Variants in TMEM209 observed in about 807,000 individuals in gnomAD.
TMEM209 encodes transmembrane protein 209.
TMEM209 carries 65 observed loss-of-function variants against 76.2 expected under a neutral mutation model. The observed-to-expected ratio is 0.85, with a 90% CI of 0.70 to 1.05. The LOEUF (loss-of-function observed/expected upper bound fraction) is 1.05. Ranked by LOEUF, TMEM209 falls within the 50% of genes least tolerant of loss-of-function variation. TMEM209 has a pLI of 0.00. For synonymous variants in TMEM209, 239 were observed against 237.6 expected (o/e 1.01, Z -0.06); for missense variants, 623 against 685.5 (o/e 0.91, Z 1.02).
chr7:130,193,795 A>G (rs961975498), intron 5 of TMEM209, among the ~76,000 whole-genome samples: 1 of 152,188 alleles, frequency 6.6e-6, no homozygotes, highest in Admixed American at 6.5e-5. Flanking sequence ...ATGTCATTAC[A>G]CATTTGTCCA....
chr7:130,184,469 G>T (rs1478111651), intron 7 of TMEM209, among the ~76,000 whole-genome samples: 10 of 149,728 alleles, frequency 6.7e-5, no homozygotes, highest in Non-Finnish European at 1.3e-4. Context: ...CCTTACATTG[G>T]TATGTGTAAA....
intron 5 of TMEM209, among the ~76,000 whole-genome samples, chr7:130,195,751 C>T (rs1340826404): frequency 6.6e-6 from 1 of 151,870 alleles, no homozygotes; most frequent in Non-Finnish European, 1.5e-5. Context: ...CCAGGGAGAA[C>T]TATTTTGTGC....
intron 4 of TMEM209, 27 bp from the exon 5 acceptor site, chr7:130,202,118 G>C (rs1487863078): frequency 1.9e-6 from 3 of 1,577,766 alleles, no homozygotes; most frequent in Non-Finnish European, 2.6e-6. Flanking sequence ...AGCAACATAT[G>C]TGTATGTACC....
At chr7:130,187,282 A>G (rs368314507) in intron 6 of TMEM209, among the ~76,000 whole-genome samples, 1 of 152,004 alleles carries the variant, frequency 6.6e-6, no homozygotes, top group African/African-American at 2.4e-5. Context: ...AAAAAACAAC[A>G]TTATTAAGAT....
intron 13 of TMEM209, 115 bp from the exon 14 acceptor site, chr7:130,170,588 A>G: frequency 1.2e-6 from 1 of 809,620 alleles, no homozygotes; most frequent in South Asian, 1.8e-5. Flanking sequence ...CATATAATTC[A>G]GACTTTCATT....
Position 130,173,854 on chromosome 7 carries a change from T to A in TMEM209, c.1430A>T (p.Gln477Leu). 5.6e-6 allele frequency: 9 copies of A among 1,613,972 alleles called. No individual in the cohort carries two copies. Among genetic ancestry groups the A allele is most frequent in the Non-Finnish European group, 7.6e-6 (9 of 1,179,834 alleles). The change falls in exon 12 of 15, where the codon CAG becomes CTG. Residue 477 changes from glutamine (Q) to leucine (L), a missense_variant. Physicochemically the swap from Gln to Leu is moderately radical, Grantham distance 113 (BLOSUM62 -2). Coordinates refer to ENST00000397622, the MANE Select transcript of TMEM209 (RefSeq NM_032842.4). ...KYPDGKTFTS[Q>L]HFVQTPNKPD... ...TTTATTTGGTGTCTGAACAAAGTGC[T>A]GAGAAGTAAAAGTTTTTCCGTCGGG...
At chr7:130,178,348 A>C in intron 10 of TMEM209, 54 bp downstream of exon 10, 1 of 1,494,276 alleles carries the variant, frequency 6.7e-7, no homozygotes, top group Non-Finnish European at 9.0e-7. Context: ...TCACTGATAA[A>C]ATTCCAGCAT....
chr7:130,195,364 A>C (rs1797935931), intron 5 of TMEM209, among the ~76,000 whole-genome samples: 1 of 152,078 alleles, frequency 6.6e-6, no homozygotes. Flanking sequence ...TATGTTTTTT[A>C]ATCAATTATG....
At chr7:130,200,044 G>C (rs1183137524) in intron 5 of TMEM209, 5 of 151,756 alleles carry the variant, frequency 3.3e-5, no homozygotes, top group Admixed American at 6.6e-5. Flanking sequence ...ATTATGGTGG[G>C]GAGGGGAATC....
chr7:130,202,434 T>A, intron 4 of TMEM209, 98 bp downstream of exon 4: 1 of 1,456,580 alleles, frequency 6.9e-7, no homozygotes, highest in Non-Finnish European at 9.3e-7. Flanking sequence ...ATAGCTGATG[T>A]CCCTTCCAGC....
chr7:130,195,724 T>C (rs534204182), intron 5 of TMEM209, among the ~76,000 whole-genome samples: 1 of 152,186 alleles, frequency 6.6e-6, no homozygotes, highest in South Asian at 2.1e-4. Context: ...GTTTTTTCGG[T>C]TTGTTTTTTA....
At chr7:130,197,176 G>A (rs1281307869) in intron 5 of TMEM209, among the ~76,000 whole-genome samples, 1 of 152,170 alleles carries the variant, frequency 6.6e-6, no homozygotes, top group Non-Finnish European at 1.5e-5. Flanking sequence ...CAGATAAGCT[G>A]TACAGCCATG....
At chr7:130,174,904 TA>T (rs199901009) in intron 11 of TMEM209, among the ~76,000 whole-genome samples, 11 of 149,828 alleles carry the variant, frequency 7.3e-5, no homozygotes, top group Non-Finnish European at 1.6e-4. Context: ...GAGGCTGAAG[TA>T]AAAAAAAACC....
intron 5 of TMEM209, among the ~76,000 whole-genome samples, chr7:130,195,251 CTT>C (rs1390416833): frequency 2.0e-5 from 3 of 152,056 alleles, no homozygotes; most frequent in African/African-American, 7.2e-5. Context: ...ATAACAGTAT[CTT>C]TTTATCCAAG....
At position 130,178,462 on chromosome 7, in the gene TMEM209, T is replaced by C. The variant is rs1356827459; in HGVS notation, c.1186A>G (p.Thr396Ala). 6.2e-7 allele frequency: 1 copy of C among 1,613,854 alleles called. No homozygotes were observed. Among genetic ancestry groups the C allele is most frequent in the Admixed American group, 1.7e-5 (1 of 60,018 alleles). The change falls in exon 10 of 15, where the codon ACA becomes GCA. Residue 396 changes from threonine to alanine, a missense_variant. Transcript: ENST00000397622. ...VKAPLIPTLN[T>A]IVQYLDLTPN... ...GTAAGGTCTAGATACTGAACGATTG[T>C]GTTCAAAGTCGGAATGAGAGGCGCT...
At chr7:130,167,418 G>A (rs1223713838) in intron 14 of TMEM209, among the ~76,000 whole-genome samples, 1 of 152,050 alleles carries the variant, frequency 6.6e-6, no homozygotes, top group African/African-American at 2.4e-5. Context: ...ATTTTGACTT[G>A]TTTGTACATG....
At position 130,175,592 on chromosome 7, in the gene TMEM209, A is replaced by T. The variant is rs368516221; in HGVS notation, c.1264T>A (p.Cys422Ser). The T allele has an allele frequency of 6.2e-7, 1 of 1,612,810 alleles. No individual in the cohort carries two copies. The highest frequency in any genetic ancestry group is 8.5e-7 in the Non-Finnish European group (1 of 1,179,560). Reference sequence around the variant, plus strand: ...CTGTTCCATCGAAATGAGCTCATACAACCTCCCTGAGATAGTTCTGTGGCA... The same window carrying T: ...CTGTTCCATCGAAATGAGCTCATACTACCTCCCTGAGATAGTTCTGTGGCA... ...ERIKELSQGG[C>S]MSSFRWNRGG... The change falls in exon 11 of 15, where the codon TGT (cysteine) becomes AGT (serine). Residue 422 changes from cysteine to serine, a missense_variant. Transcript: ENST00000397622.
At position 130,203,865 on chromosome 7, in the gene TMEM209, G is replaced by A; in HGVS notation, c.141-19C>T. On this transcript the variant is annotated intron_variant, in intron 2 of 14. Transcript: ENST00000397622. ...TCCAGTCCTGAAAAAAAATTAGAAA[G>A]GCTTTCCAGTGAACCTAAAAACACC... The A allele has an allele frequency of 6.3e-7, 1 of 1,596,096 alleles. No homozygotes were observed. Among genetic ancestry groups the A allele is most frequent in the Non-Finnish European group, 8.5e-7 (1 of 1,171,144 alleles).
At chr7:130,174,868 A>T (rs1797183907) in intron 11 of TMEM209, among the ~76,000 whole-genome samples, 1 of 152,230 alleles carries the variant, frequency 6.6e-6, no homozygotes, top group African/African-American at 2.4e-5. Flanking sequence ...ACAGTGTGTA[A>T]TAATGAAAAA....
Sources: gnomAD v4.1 joint callset for allele counts (sites outside exome capture counted in the v4.1 genomes callset) on GRCh38, gnomAD v4.1.1 for gene constraint, MANE v1.5 for transcripts, NCBI Gene and HGNC (gene_info 2026-07-23, HGNC 2026-07-21) for gene names.